The following CDK13 variants were observed in gnomAD, a reference collection of about 807,000 sequenced individuals.
CDK13 encodes the protein cyclin-dependent kinase 13.
Under a neutral mutation model 137.6 loss-of-function variants are expected in CDK13, and 40 were observed. That is an observed-to-expected ratio of 0.29 (90% CI 0.23 to 0.38). CDK13 has a LOEUF of 0.38. Among genes scored for constraint, CDK13 ranks in the 10% least tolerant of loss-of-function variants. The probability of loss-of-function intolerance (pLI) is 1.00; values close to 1 mark genes in which losing one functional copy is unlikely to be tolerated. For synonymous variants in CDK13, 869 were observed against 760.1 expected (o/e 1.14, Z -2.36); for missense variants, 1,704 against 1,951.8 (o/e 0.87, Z 2.39).
At chr7:39,966,960 C>T (rs1022864580) in intron 1 of CDK13, among the ~76,000 whole-genome samples, 1 of 152,100 alleles carries the variant, frequency 6.6e-6, no homozygotes, top group South Asian at 2.1e-4. Flanking sequence ...GCTGCCTGAT[C>T]GTTCCTCTGT....
At chr7:40,015,829 G>C (rs563051641) in intron 5 of CDK13, among the ~76,000 whole-genome samples, 2 of 152,280 alleles carry the variant, frequency 1.3e-5, no homozygotes, top group East Asian at 3.9e-4. Flanking sequence ...CTAGCTGTGA[G>C]TAATTGGTTA....
intron 5 of CDK13, among the ~76,000 whole-genome samples, chr7:40,010,468 G>A (rs1784871960): frequency 1.3e-5 from 2 of 152,112 alleles, no homozygotes; most frequent in Admixed American, 1.3e-4. Flanking sequence ...CAGATCACTT[G>A]AGGTCAGGAA....
At chr7:40,078,207 T>C (rs113235172) in intron 10 of CDK13, 86 bp downstream of exon 10, 37 of 637,762 alleles carry the variant, frequency 5.8e-5, no homozygotes, top group African/African-American at 4.0e-4. Flanking sequence ...TATTCTCTAG[T>C]GATCTGAGGT....
intron 7 of CDK13, among the ~76,000 whole-genome samples, chr7:40,050,140 G>A (rs1584039240): frequency 6.6e-6 from 1 of 151,830 alleles, no homozygotes; most frequent in Non-Finnish European, 1.5e-5. Context: ...TTCTTTATCC[G>A]TCCATCTCTT....
At position 40,031,828 on chromosome 7, in the gene CDK13, G is replaced by GTTATTATTATTA. The variant is rs34654098; in HGVS notation, c.2354-13981_2354-13970dup. On this transcript the variant is annotated intron_variant, in intron 5 of 13. Coordinates refer to ENST00000181839, the MANE Select transcript of CDK13 (RefSeq NM_003718.5). Reference sequence around the variant, plus strand: ...GCTCGGCTAATTTATTATTATTATTGTTATTATTATTATTATTATTATTAT... The same window carrying GTTATTATTATTA: ...GCTCGGCTAATTTATTATTATTATTGTTATTATTATTATTATTATTATTATTATTATTATTAT... Among the ~76,000 whole-genome samples, 325 of 139,106 alleles carry GTTATTATTATTA rather than the reference G, an allele frequency of 2.3e-3. 2 individuals carry two copies. Among genetic ancestry groups the GTTATTATTATTA allele is most frequent in the African/African-American group, 8.0e-3 (302 of 37,944 alleles). The allele number at this position is 139,106 out of a possible 152,430, so 91.3% of individuals were successfully genotyped here.
rs1254945970 is a variant in CDK13, at chr7:40,097,366, G to A, written c.*2386G>A. 6.6e-6 allele frequency: 1 copy of A among 151,994 alleles called. No individual in the cohort carries two copies. The highest frequency in any genetic ancestry group is 1.5e-5 in the Non-Finnish European group (1 of 67,948). The allele number at this position is 151,994 out of a possible 1,614,324, so 9.4% of individuals were successfully genotyped here. ...AATGCTAAGACGTCATCAATTGTAA[G>A]CTGCATCCCAGATTCAGACATATTA... On this transcript the variant is annotated 3_prime_UTR_variant, in exon 14 of 14. Coordinates refer to ENST00000181839, the MANE Select transcript of CDK13 (RefSeq NM_003718.5).
chr7:40,024,645 GTTTTTTTTTTTTTTTT>G lies in CDK13; in HGVS notation c.2354-21173_2354-21158del, dbSNP rs58010602. Among the ~76,000 whole-genome samples the G allele has an allele frequency of 4.4e-4, 22 of 50,282 alleles. No individual in the cohort carries two copies. The South Asian group carries it at 5.1e-3, about 12-fold the overall frequency. 33.0% of individuals were successfully genotyped at this position (50,282 alleles called of 152,430 possible). ...TCTTCCAAGATATCTGTAGCTCTGTGTTTTTTTTTTTTTTTTTTTTTTTTTTTTTTTTTCCTGAGAC... is the reference window on the plus strand; with the variant it reads ...TCTTCCAAGATATCTGTAGCTCTGTGTTTTTTTTTTTTTTTTTCCTGAGAC... On this transcript the variant is annotated intron_variant, in intron 5 of 13. Transcript: ENST00000181839.
At chr7:39,969,000 GGTTTTTTT>G (rs758256365) in intron 1 of CDK13, among the ~76,000 whole-genome samples, 11 of 151,994 alleles carry the variant, frequency 7.2e-5, no homozygotes, top group Non-Finnish European at 1.6e-4. Flanking sequence ...AGTTCAGGTG[GGTTTTTTT>G]GTTTGTTTGT....
intron 5 of CDK13, among the ~76,000 whole-genome samples, chr7:40,041,507 T>A (rs1285982625): frequency 6.6e-6 from 1 of 152,238 alleles, no homozygotes; most frequent in African/African-American, 2.4e-5. Flanking sequence ...CTATATACTT[T>A]TAATAATTCT....
intron 6 of CDK13, among the ~76,000 whole-genome samples, chr7:40,046,940 GA>G (rs1357459613): frequency 6.8e-6 from 1 of 147,492 alleles, no homozygotes; most frequent in Non-Finnish European, 1.5e-5. Flanking sequence ...AAGTGGAGTT[GA>G]GTGGAGTCAG....
intron 7 of CDK13, among the ~76,000 whole-genome samples, chr7:40,050,422 C>A (rs1762494848): frequency 1.3e-5 from 2 of 152,122 alleles, no homozygotes; most frequent in South Asian, 4.1e-4. Context: ...GAGACAGTCT[C>A]ACTCTGTCGC....
chr7:40,068,303 G>C (rs867156393), intron 9 of CDK13, among the ~76,000 whole-genome samples: 157 of 151,846 alleles, frequency 1.0e-3, no homozygotes, highest in African/African-American at 3.5e-3. Context: ...AGACTCTGAG[G>C]CATATTTGGT....
At chr7:40,031,296 C>T (rs1047825113) in intron 5 of CDK13, among the ~76,000 whole-genome samples, 3 of 152,126 alleles carry the variant, frequency 2.0e-5, no homozygotes, top group South Asian at 2.1e-4. Context: ...CCAAGGTGGG[C>T]GGATCACTTG....
At chr7:39,987,237 T>C (rs1176113426) in intron 1 of CDK13, 1 of 170,138 alleles carries the variant, frequency 5.9e-6, no homozygotes. Flanking sequence ...TTTTGAGATG[T>C]GGCAACTGTC....
At chr7:40,059,759 A>G (rs1344688698) in intron 7 of CDK13, among the ~76,000 whole-genome samples, 1 of 152,228 alleles carries the variant, frequency 6.6e-6, no homozygotes, top group Non-Finnish European at 1.5e-5. Context: ...AATAATTTTT[A>G]GAGTGTGGTA....
rs1186063096 is a variant in CDK13 at position 39,951,155 on chromosome 7, G to C, written c.514G>C (p.Gly172Arg). ...ASAATAATAA[G>R]GTGGSGGSPA... ...CGCGGCAACGGCGGCGACGGCTGCC[G>C]GGGGAACGGGGGGCAGCGGCGGGAG... Residue 172 changes from glycine (G) to arginine (R), a missense_variant, in exon 1 of 14, where the codon GGG (glycine) becomes CGG (arginine). By Grantham distance (125) the Gly-to-Arg change is moderately radical. Coordinates refer to ENST00000181839, the MANE Select transcript of CDK13 (RefSeq NM_003718.5). The C allele has an allele frequency of 1.6e-6, 2 of 1,242,080 alleles. No individual in the cohort carries two copies. Among genetic ancestry groups the C allele is most frequent in the Non-Finnish European group, 2.0e-6 (2 of 994,604 alleles). 76.9% of individuals were successfully genotyped at this position (1,242,080 alleles called of 1,614,324 possible).
chr7:40,049,864 T>C (rs1331322993), intron 7 of CDK13, among the ~76,000 whole-genome samples: 1 of 152,224 alleles, frequency 6.6e-6, no homozygotes, highest in Non-Finnish European at 1.5e-5. Flanking sequence ...CTTATTCCAC[T>C]TAACACAATG....
At chr7:39,973,729 C>T (rs1024410532) in intron 1 of CDK13, among the ~76,000 whole-genome samples, 6 of 152,168 alleles carry the variant, frequency 3.9e-5, no homozygotes, top group African/African-American at 7.2e-5. Flanking sequence ...AGTTATAGCT[C>T]CTACTTTGAT....
rs1421681259 is a variant in CDK13 at position 39,965,624 on chromosome 7, GTTA to G, written c.1211+13778_1211+13780del. Among the ~76,000 whole-genome samples, 7 of 152,214 alleles carry G rather than the reference GTTA, an allele frequency of 4.6e-5. No homozygotes were observed. In the East Asian group the frequency reaches 5.8e-4, roughly 13 times the overall value. On this transcript the variant is annotated intron_variant, in intron 1 of 13. Transcript: ENST00000181839. ...AGCATTTAGCCCATTTACATTTAAGGTTATTATTGTTGTGTGTGAATTTGATCC... is the reference window on the plus strand; with the variant it reads ...AGCATTTAGCCCATTTACATTTAAGGTTATTGTTGTGTGTGAATTTGATCC...
Sources: allele counts gnomAD v4.1 joint callset (sites outside exome capture counted in the v4.1 genomes callset), GRCh38; gene constraint gnomAD v4.1.1; transcripts MANE v1.5; gene names NCBI Gene and HGNC (gene_info 2026-07-23, HGNC 2026-07-21).